Variants in HMGCLL1 observed in about 807,000 individuals in gnomAD.
The protein encoded by HMGCLL1 is 3-hydroxy-3-methylglutaryl-CoA lyase like 1.
HMGCLL1 carries 36 observed loss-of-function variants against 39.1 expected under a neutral mutation model. The ratio of observed to expected loss-of-function variants is 0.92; its 90% CI spans 0.71 to 1.22. The LOEUF is 1.22. HMGCLL1 is among the 50% of genes most tolerant of loss of function. The probability of loss-of-function intolerance (pLI) is 0.00; values close to 1 mark genes in which losing one functional copy is unlikely to be tolerated. For missense variants in HMGCLL1, 451 were observed against 416.5 expected (o/e 1.08, Z -0.72); for synonymous variants, 149 against 144.0 (o/e 1.03, Z -0.25).
intron 7 of HMGCLL1, among the ~76,000 whole-genome samples, chr6:55,490,582 C>G (rs772293441): frequency 6.6e-6 from 1 of 152,016 alleles, no homozygotes; most frequent in Non-Finnish European, 1.5e-5. Context: ...AGTTTGTGAT[C>G]TAAGTATAGT....
chr6:55,660,879 ATC>A, the HMGCLL1 span, among the ~76,000 whole-genome samples: 3 of 151,878 alleles, frequency 2.0e-5, no homozygotes, highest in Non-Finnish European at 4.4e-5. Flanking sequence ...CCTTGCCAGC[ATC>A]TGTTATTTTT....
chr6:55,625,401 G>T, the HMGCLL1 span, among the ~76,000 whole-genome samples: 1 of 152,066 alleles, frequency 6.6e-6, no homozygotes, highest in Admixed American at 6.6e-5. Context: ...AATGCCCATG[G>T]TCTCCACTTT....
At chr6:55,465,564 T>A (rs1046906855) in intron 7 of HMGCLL1, among the ~76,000 whole-genome samples, 3 of 152,116 alleles carry the variant, frequency 2.0e-5, no homozygotes, top group African/African-American at 7.2e-5. Context: ...TAAGAGTTAA[T>A]CATTAAATAT....
At chr6:55,472,652 A>C (rs1765098678) in intron 7 of HMGCLL1, among the ~76,000 whole-genome samples, 1 of 150,162 alleles carries the variant, frequency 6.7e-6, no homozygotes, top group African/African-American at 2.4e-5. Context: ...AATTGTGAAG[A>C]GATTACAGAT....
At chr6:55,543,454 T>C (rs1251720008) in intron 1 of HMGCLL1, among the ~76,000 whole-genome samples, 4 of 12,940 alleles carry the variant, frequency 3.1e-4, no homozygotes, top group Admixed American at 1.3e-3. Context: ...ATATATATGA[T>C]ATATATCATA....
chr6:55,614,213 C>A, the HMGCLL1 span, among the ~76,000 whole-genome samples: 1 of 152,050 alleles, frequency 6.6e-6, no homozygotes, highest in Middle Eastern at 3.2e-3. Context: ...TATGTTGAAG[C>A]CTTAACCCTC....
chr6:55,592,544 G>A, the HMGCLL1 span, among the ~76,000 whole-genome samples: 2 of 151,988 alleles, frequency 1.3e-5, no homozygotes, highest in African/African-American at 4.8e-5. Flanking sequence ...TGTGGGTGGT[G>A]TCCTGTGCAT....
upstream of HMGCLL1, among the ~76,000 whole-genome samples, chr6:55,580,442 G>GTC (rs1425830468): frequency 1.4e-4 from 15 of 108,898 alleles, no homozygotes; most frequent in African/African-American, 5.4e-4. Flanking sequence ...TTGAGACGGA[G>GTC]TCTCGCTCTG....
chr6:55,640,585 T>C, the HMGCLL1 span, among the ~76,000 whole-genome samples: 1 of 151,638 alleles, frequency 6.6e-6, no homozygotes, highest in Non-Finnish European at 1.5e-5. Flanking sequence ...TATAATGAGG[T>C]GTAAGAAAGA....
the HMGCLL1 span, among the ~76,000 whole-genome samples, chr6:55,620,973 T>C: frequency 1.3e-5 from 2 of 152,014 alleles, no homozygotes; most frequent in South Asian, 2.1e-4. Context: ...TGCTTTTCCA[T>C]TGGTCTATAG....
chr6:55,562,441 C>T (rs541744068), intron 1 of HMGCLL1, among the ~76,000 whole-genome samples: 44 of 152,110 alleles, frequency 2.9e-4, no homozygotes, highest in Admixed American at 2.2e-3. Context: ...TTATTTTTAA[C>T]GCTGAGTACT....
intron 3 of HMGCLL1, among the ~76,000 whole-genome samples, chr6:55,529,051 A>G (rs1768486407): frequency 6.6e-6 from 1 of 152,128 alleles, no homozygotes; most frequent in Non-Finnish European, 1.5e-5. Flanking sequence ...ATTCAATAGC[A>G]TTTCCTAGTT....
chr6:55,563,126 C>T (rs923307820), intron 1 of HMGCLL1, among the ~76,000 whole-genome samples: 1 of 151,950 alleles, frequency 6.6e-6, no homozygotes, highest in Admixed American at 6.6e-5. Context: ...AACATATTTA[C>T]AAGAACAAGT....
chr6:55,440,680 C>A (rs969848540), intron 7 of HMGCLL1, among the ~76,000 whole-genome samples: 4 of 152,054 alleles, frequency 2.6e-5, no homozygotes, highest in Non-Finnish European at 5.9e-5. Context: ...ATGAGAAGCA[C>A]CTGGAAGCAG....
At chr6:55,644,372 G>A in the HMGCLL1 span, among the ~76,000 whole-genome samples, 1 of 151,712 alleles carries the variant, frequency 6.6e-6, no homozygotes, top group African/African-American at 2.4e-5. Flanking sequence ...TTGACTGTTT[G>A]CTTTGCTGTC....
intron 7 of HMGCLL1, among the ~76,000 whole-genome samples, chr6:55,483,837 T>C (rs772815425): frequency 1.4e-4 from 22 of 152,286 alleles, no homozygotes; most frequent in Non-Finnish European, 2.8e-4. Context: ...GAGGACAACA[T>C]AGAACTCAGG....
upstream of HMGCLL1, among the ~76,000 whole-genome samples, chr6:55,580,694 G>A (rs1771967797): frequency 6.6e-6 from 1 of 151,898 alleles, no homozygotes; most frequent in South Asian, 2.1e-4. Context: ...GGATTACAGG[G>A]GTCAGCCACC....
At chr6:55,435,906 G>A (rs1763352016) in intron 8 of HMGCLL1, 143 bp from the exon 9 acceptor site, 4 of 461,988 alleles carry the variant, frequency 8.7e-6, no homozygotes, top group Admixed American at 3.7e-5. Flanking sequence ...TCAATTTTGG[G>A]GCAACATTTG....
the HMGCLL1 span, among the ~76,000 whole-genome samples, chr6:55,588,751 A>G: frequency 6.6e-6 from 1 of 152,314 alleles, no homozygotes; most frequent in African/African-American, 2.4e-5. Flanking sequence ...AGAGATACAA[A>G]CTACCATCAG....
Sources: allele counts gnomAD v4.1 joint callset (sites outside exome capture counted in the v4.1 genomes callset), GRCh38; gene constraint gnomAD v4.1.1; transcripts MANE v1.5; gene names NCBI Gene and HGNC (gene_info 2026-07-23, HGNC 2026-07-21).